RAP1B: variants seen among roughly 807,000 people sequenced by gnomAD.
The protein encoded by RAP1B is RAP1B, member of RAS oncogene family, also known as ras-related protein Rap-1b.
Under a neutral mutation model 27.5 loss-of-function variants are expected in RAP1B, and 1 was observed. The ratio of observed to expected loss-of-function variants is 0.04; its 90% CI spans 0.01 to 0.17. The LOEUF (loss-of-function observed/expected upper bound fraction) is 0.17. Among genes scored for constraint, RAP1B ranks in the 10% least tolerant of loss-of-function variants. RAP1B has a pLI of 1.00. For missense variants in RAP1B, 84 were observed against 214.8 expected, an observed-to-expected ratio of 0.39 and a Z score of 3.81; for synonymous variants, 75 against 73.1, an observed-to-expected ratio of 1.03 and a Z score of -0.13.
chr12:68,614,076 CTA>C (rs970985800), intron 1 of RAP1B, among the ~76,000 whole-genome samples: 2 of 152,190 alleles, frequency 1.3e-5, no homozygotes, highest in African/African-American at 4.8e-5. Flanking sequence ...GGTGGAAGGT[CTA>C]TGCAAAGATT....
intron 1 of RAP1B, among the ~76,000 whole-genome samples, chr12:68,615,398 G>C (rs1353907594): frequency 6.6e-6 from 1 of 152,002 alleles, no homozygotes; most frequent in Non-Finnish European, 1.5e-5. Flanking sequence ...TACAGGAGGA[G>C]TATATTCTGT....
intron 1 of RAP1B, among the ~76,000 whole-genome samples, chr12:68,619,461 G>A (rs1378870511): frequency 6.6e-6 from 1 of 152,004 alleles, no homozygotes; most frequent in East Asian, 1.9e-4. Context: ...ATCATACATG[G>A]GTAAGAAATC....
intron 1 of RAP1B, among the ~76,000 whole-genome samples, chr12:68,628,135 C>A (rs1359765270): frequency 6.6e-6 from 1 of 152,070 alleles, no homozygotes; most frequent in African/African-American, 2.4e-5. Flanking sequence ...ATGCCAGATA[C>A]TAGCTTTTCC....
intron 1 of RAP1B, among the ~76,000 whole-genome samples, chr12:68,616,939 T>C (rs1871071305): frequency 6.6e-6 from 1 of 152,186 alleles, no homozygotes; most frequent in Admixed American, 6.5e-5. Flanking sequence ...TGCCTCTACC[T>C]GTTTCCTTTT....
chr12:68,655,797 A>G (rs1045983210), intron 5 of RAP1B, among the ~76,000 whole-genome samples: 2 of 152,166 alleles, frequency 1.3e-5, no homozygotes, highest in African/African-American at 2.4e-5. Context: ...CGGCCTCCCA[A>G]AGTGCTGGGA....
intron 1 of RAP1B, among the ~76,000 whole-genome samples, chr12:68,618,196 C>T (rs369653949): frequency 2.8e-5 from 4 of 141,286 alleles, no homozygotes; most frequent in African/African-American, 7.7e-5. Flanking sequence ...AAGCAATTCA[C>T]CTGCCTCAGC....
chr12:68,632,557 G>T (rs772587258), intron 1 of RAP1B, among the ~76,000 whole-genome samples: 1 of 152,174 alleles, frequency 6.6e-6, no homozygotes, highest in Non-Finnish European at 1.5e-5. Context: ...AGGCCAAAAT[G>T]TGGGAAAATT....
chr12:68,646,313 T>A (rs76074837), intron 1 of RAP1B, among the ~76,000 whole-genome samples: 1 of 152,052 alleles, frequency 6.6e-6, no homozygotes, highest in Non-Finnish European at 1.5e-5. Flanking sequence ...TTTTTTTTTT[T>A]GAGATGGAGT....
chr12:68,622,101 T>C (rs1871424879), intron 1 of RAP1B, among the ~76,000 whole-genome samples: 1 of 152,232 alleles, frequency 6.6e-6, no homozygotes, highest in Non-Finnish European at 1.5e-5. Context: ...TTCAGTTTAG[T>C]TTCTGGCACT....
intron 1 of RAP1B, among the ~76,000 whole-genome samples, chr12:68,644,600 C>T (rs1036744130): frequency 4.0e-5 from 6 of 150,340 alleles, no homozygotes; most frequent in African/African-American, 1.5e-4. Flanking sequence ...AAAAGTCGAG[C>T]AGTGATTCTC....
chr12:68,637,842 A>G (rs1049748117), intron 1 of RAP1B, among the ~76,000 whole-genome samples: 2 of 152,146 alleles, frequency 1.3e-5, no homozygotes, highest in African/African-American at 2.4e-5. Context: ...CACTCAGTTC[A>G]GGAAGTCTCT....
intron 1 of RAP1B, among the ~76,000 whole-genome samples, chr12:68,634,849 G>A (rs1358028855): frequency 1.3e-5 from 2 of 152,164 alleles, no homozygotes; most frequent in Non-Finnish European, 2.9e-5. Flanking sequence ...ATATTTCAGG[G>A]AGAAAGTTGG....
chr12:68,642,844 C>CT (rs1873119171), intron 1 of RAP1B: 8 of 990,596 alleles, frequency 8.1e-6, no homozygotes, highest in Admixed American at 1.7e-5. Flanking sequence ...AGTCGATAAC[C>CT]GGTGGATTCT....
intron 7 of RAP1B, among the ~76,000 whole-genome samples, chr12:68,659,077 G>A (rs1874446000): frequency 6.6e-6 from 1 of 152,162 alleles, no homozygotes; most frequent in Non-Finnish European, 1.5e-5. Flanking sequence ...TGACTTTCAA[G>A]AGGGCAGCAG....
At chr12:68,639,193 A>C (rs755573920) in intron 1 of RAP1B, among the ~76,000 whole-genome samples, 1 of 152,138 alleles carries the variant, frequency 6.6e-6, no homozygotes, top group African/African-American at 2.4e-5. Context: ...TTCACTCCCT[A>C]CTTGACCACA....
chr12:68,627,775 A>G (rs1436670718), intron 1 of RAP1B, among the ~76,000 whole-genome samples: 2 of 152,166 alleles, frequency 1.3e-5, no homozygotes, highest in Admixed American at 6.5e-5. Flanking sequence ...AAACAGACCT[A>G]AGTTTTGGTA....
rs1426234957 is a variant in RAP1B, at chr12:68,667,059, C to T, written c.*7810C>T. 6.6e-6 allele frequency: 1 copy of T among 152,158 alleles called. No individual in the cohort carries two copies. Among genetic ancestry groups the T allele is most frequent in the Admixed American group, 6.5e-5 (1 of 15,268 alleles). 9.4% of individuals were successfully genotyped at this position (152,158 alleles called of 1,614,324 possible). On this transcript the variant is annotated 3_prime_UTR_variant, in exon 8 of 8. Transcript: ENST00000250559. ...CTTGTGTCAGTATATATCCTGCCTA[C>T]CCTACATATTTTATATTTATCAATG...
intron 1 of RAP1B, chr12:68,627,327 C>G (rs1300195332): frequency 2.6e-6 from 2 of 758,864 alleles, no homozygotes; most frequent in African/African-American, 3.4e-5. Flanking sequence ...CCATTGCACA[C>G]TGGGCCCCCC....
At chr12:68,627,331 GC>G (rs199774560) in intron 1 of RAP1B, 21 of 751,702 alleles carry the variant, frequency 2.8e-5, no homozygotes, top group East Asian at 2.2e-4. Context: ...TGCACACTGG[GC>G]CCCCCCATGA....
Sources: allele counts gnomAD v4.1 joint callset (sites outside exome capture counted in the v4.1 genomes callset), GRCh38; gene constraint gnomAD v4.1.1; transcripts MANE v1.5; gene names NCBI Gene and HGNC (gene_info 2026-07-23, HGNC 2026-07-21).